Variants in MOGAT1 observed in about 807,000 individuals in gnomAD.
The protein encoded by MOGAT1 is monoacylglycerol O-acyltransferase 1, also known as 2-acylglycerol O-acyltransferase 1.
Under a neutral mutation model 31.4 loss-of-function variants are expected in MOGAT1, and 32 were observed. The observed-to-expected ratio is 1.02, with a 90% CI of 0.77 to 1.37. The LOEUF is 1.37. MOGAT1 is among the 40% of genes most tolerant of loss of function. The pLI is 0.00. For synonymous variants in MOGAT1, 145 were observed against 144.5 expected (o/e 1.00, Z -0.03); for missense variants, 426 against 402.0 (o/e 1.06, Z -0.51).
At chr2:222,707,878 C>T (rs1398559948) in intron 5 of MOGAT1, among the ~76,000 whole-genome samples, 2 of 152,112 alleles carry the variant, frequency 1.3e-5, no homozygotes, top group Non-Finnish European at 2.9e-5. Flanking sequence ...TCATATTTTG[C>T]TTAGCTAACC....
Position 222,688,430 on chromosome 2 carries a change from G to A in MOGAT1, c.181G>A (p.Asp61Asn). ...CCCTTATTTGATGTGGCTTTACTTT[G>A]ACTGGCATACCCCAGAGCGAGGAGG... The part of the protein sequence containing the change: ...YIPYLMWLYF[D>N]WHTPERGGRR... The change falls in exon 2 of 6, where the codon GAC becomes AAC. Residue 61 changes from aspartate to asparagine, a missense_variant. By Grantham distance (23) the Asp-to-Asn change is conservative. Coordinates refer to ENST00000446656, the MANE Select transcript of MOGAT1 (RefSeq NM_058165.3). 1 of 1,613,524 alleles carries A rather than the reference G, an allele frequency of 6.2e-7. No homozygotes were observed. Among genetic ancestry groups the A allele is most frequent in the Admixed American group, 1.7e-5 (1 of 59,940 alleles).
At chr2:222,701,399 A>G (rs1361068648) in intron 5 of MOGAT1, among the ~76,000 whole-genome samples, 24 of 143,330 alleles carry the variant, frequency 1.7e-4, no homozygotes, top group Non-Finnish European at 3.1e-5. Context: ...AAAGAAAGAA[A>G]GAGAGAGAGA....
chr2:222,701,692 G>T (rs1446622864), intron 5 of MOGAT1, among the ~76,000 whole-genome samples: 1 of 151,688 alleles, frequency 6.6e-6, no homozygotes, highest in Non-Finnish European at 1.5e-5. Context: ...GGTGGGCATG[G>T]GAGGGGAGGG....
chr2:222,707,116 C>T (rs1370061907), intron 5 of MOGAT1, among the ~76,000 whole-genome samples: 1 of 151,856 alleles, frequency 6.6e-6, no homozygotes, highest in Admixed American at 6.6e-5. Flanking sequence ...TGCTTGAATC[C>T]AGGAGGCGGA....
intron 4 of MOGAT1, 115 bp from the exon 5 acceptor site, chr2:222,694,974 G>T: frequency 1.4e-6 from 1 of 689,944 alleles, no homozygotes; most frequent in Non-Finnish European, 2.3e-6. Flanking sequence ...AATATAGGAA[G>T]GCTTGGGCAC....
At position 222,694,358 on chromosome 2, in the gene MOGAT1, T is replaced by C. The variant is rs912623336; in HGVS notation, c.479-4T>C. The C allele has an allele frequency of 9.4e-6, 15 of 1,601,514 alleles. No individual in the cohort carries two copies. Among genetic ancestry groups the C allele is most frequent in the Non-Finnish European group, 1.2e-5 (14 of 1,174,404 alleles). On this transcript the variant is annotated splice_polypyrimidine_tract_variant and splice_region_variant and intron_variant, in intron 3 of 5. Coordinates refer to ENST00000446656, the MANE Select transcript of MOGAT1 (RefSeq NM_058165.3). Reference sequence around the variant, plus strand: ...ACTAGTTACTTTTTGTTTTATTCACTAAGGGCTGGTTTCAGTTTCCAAGAA... The same window carrying C: ...ACTAGTTACTTTTTGTTTTATTCACCAAGGGCTGGTTTCAGTTTCCAAGAA...
intron 5 of MOGAT1, among the ~76,000 whole-genome samples, chr2:222,697,354 T>A (rs1692851455): frequency 6.6e-6 from 1 of 152,124 alleles, no homozygotes; most frequent in African/African-American, 2.4e-5. Flanking sequence ...ATTACGTTTA[T>A]TATTATTAAA....
At chr2:222,692,085 G>A (rs1215434654) in intron 3 of MOGAT1, among the ~76,000 whole-genome samples, 2 of 152,182 alleles carry the variant, frequency 1.3e-5, no homozygotes. Context: ...TTGAGCAAAG[G>A]AGGGATCTGA....
At chr2:222,672,889 T>TTATTATTATTATTA (rs1553560983) in intron 1 of MOGAT1, among the ~76,000 whole-genome samples, 1 of 139,224 alleles carries the variant, frequency 7.2e-6, no homozygotes, top group Admixed American at 7.3e-5. Context: ...CTGGAATTTG[T>TTATTATTATTATTA]TTATTATTAT....
At chr2:222,700,193 G>A (rs1265396918) in intron 5 of MOGAT1, among the ~76,000 whole-genome samples, 1 of 152,252 alleles carries the variant, frequency 6.6e-6, no homozygotes, top group Non-Finnish European at 1.5e-5. Flanking sequence ...TGTTGATGCT[G>A]AAAGCAAGTG....
intron 5 of MOGAT1, among the ~76,000 whole-genome samples, chr2:222,698,259 C>T (rs892727335): frequency 1.3e-5 from 2 of 152,188 alleles, no homozygotes; most frequent in Non-Finnish European, 2.9e-5. Flanking sequence ...CCATGTATTT[C>T]CTTTACTTCA....
chr2:222,675,607 G>C (rs1211580748), intron 1 of MOGAT1, among the ~76,000 whole-genome samples: 1 of 151,540 alleles, frequency 6.6e-6, no homozygotes. Context: ...AGCCTCCTGA[G>C]TATCTGGGAC....
rs775360441 is a variant in MOGAT1, at chr2:222,671,879, G to T, written c.94G>T (p.Gly32Trp). 1.9e-6 allele frequency: 3 copies of T among 1,550,508 alleles called. No individual in the cohort carries two copies. The highest frequency in any genetic ancestry group is 2.7e-5 in the African/African-American group (2 of 73,036). Residue 32 changes from glycine to tryptophan, a missense_variant and splice_region_variant, in exon 1 of 6, where the codon GGG becomes TGG. Transcript: ENST00000446656. ...GTGGGTCCTGAAATACCTGCTGCTC[G>T]GTAAGGACCCCGCCCCCCGGGCCGC... ...LQWVLKYLLL[G>W]PMSIGITVML...
chr2:222,697,599 T>G (rs1692855104), intron 5 of MOGAT1, among the ~76,000 whole-genome samples: 2 of 110,910 alleles, frequency 1.8e-5, no homozygotes, highest in South Asian at 5.3e-4. Context: ...TTTTTTTTTT[T>G]GAGATGGAGT....
chr2:222,708,170 G>A (rs977554598), intron 5 of MOGAT1, among the ~76,000 whole-genome samples: 4 of 152,312 alleles, frequency 2.6e-5, no homozygotes, highest in African/African-American at 4.8e-5. Context: ...TGCAACCTCT[G>A]CCTCCTGGGT....
chr2:222,684,544 C>T (rs909499918), intron 1 of MOGAT1, among the ~76,000 whole-genome samples: 1 of 152,088 alleles, frequency 6.6e-6, no homozygotes, highest in Non-Finnish European at 1.5e-5. Context: ...AGTGTATCAG[C>T]TGACAAAGAT....
chr2:222,690,631 T>G (rs1396105760), intron 3 of MOGAT1, among the ~76,000 whole-genome samples: 11 of 152,210 alleles, frequency 7.2e-5, no homozygotes, highest in Admixed American at 7.2e-4. Flanking sequence ...ATCTCTCAAG[T>G]CACTACTGTC....
chr2:222,708,648 T>C (rs1252436789), intron 5 of MOGAT1, among the ~76,000 whole-genome samples: 1 of 152,202 alleles, frequency 6.6e-6, no homozygotes, highest in African/African-American at 2.4e-5. Context: ...CCCTACGTCC[T>C]TACCAAAAAG....
chr2:222,695,334 G>A, intron 5 of MOGAT1, 46 bp downstream of exon 5: 1 of 1,334,632 alleles, frequency 7.5e-7, no homozygotes, highest in Non-Finnish European at 1.0e-6. Context: ...TTTAAGCAAT[G>A]TTTCTTGTTA....
Sources: gnomAD v4.1 joint callset for allele counts (sites outside exome capture counted in the v4.1 genomes callset) on GRCh38, gnomAD v4.1.1 for gene constraint, MANE v1.5 for transcripts, NCBI Gene and HGNC (gene_info 2026-07-23, HGNC 2026-07-21) for gene names.